CDK19: variants seen among roughly 807,000 people sequenced by gnomAD.
The protein encoded by CDK19 is cyclin dependent kinase 19.
CDK19 carries 20 observed loss-of-function variants against 68.3 expected under a neutral mutation model. The observed-to-expected ratio is 0.29, with a 90% CI of 0.21 to 0.43. The LOEUF is 0.43. Among genes scored for constraint, CDK19 ranks in the 20% least tolerant of loss-of-function variants. CDK19 has a pLI of 1.00. For missense variants in CDK19, 339 were observed against 623.5 expected, an observed-to-expected ratio of 0.54 and a Z score of 4.86; for synonymous variants, 221 against 222.8, an observed-to-expected ratio of 0.99 and a Z score of 0.07.
chr6:110,654,491 C>T (rs549041647), intron 4 of CDK19, among the ~76,000 whole-genome samples: 17 of 152,286 alleles, frequency 1.1e-4, no homozygotes, highest in South Asian at 2.1e-4. Flanking sequence ...CAACTTTATA[C>T]GTCTGCTGAG....
At chr6:110,717,764 C>A (rs1444963035) in intron 2 of CDK19, among the ~76,000 whole-genome samples, 1 of 152,120 alleles carries the variant, frequency 6.6e-6, no homozygotes, top group African/African-American at 2.4e-5. Context: ...TGCAAGGGCA[C>A]GATCTTGGCT....
chr6:110,657,166 G>A (rs369664491), intron 4 of CDK19, among the ~76,000 whole-genome samples: 10 of 152,176 alleles, frequency 6.6e-5, no homozygotes, highest in Admixed American at 2.6e-4. Flanking sequence ...CACTCTGTGC[G>A]GAGAGTAGCA....
At position 110,614,604 on chromosome 6, in the gene CDK19, T is replaced by C; in HGVS notation, c.1440A>G (p.Thr480=). ...SVQGSSQSQS[T]LGYSSSSQQS... ...GCTGAGACGAGGAAGAGTAGCCAAG[T>C]GTGCTCTGGGACTGAGAGGATCCCT... The change falls in exon 13 of 13, where the codon ACA becomes ACG. Residue 480 remains threonine, a synonymous_variant. Transcript: ENST00000368911. 6.2e-7 allele frequency: 1 copy of C among 1,613,882 alleles called. No homozygotes were observed. Among genetic ancestry groups the C allele is most frequent in the Middle Eastern group, 1.6e-4 (1 of 6,062 alleles).
chr6:110,768,334 T>A (rs1445346470), intron 1 of CDK19, among the ~76,000 whole-genome samples: 2 of 152,196 alleles, frequency 1.3e-5, no homozygotes, highest in Non-Finnish European at 2.9e-5. Flanking sequence ...GTTTGGCAGT[T>A]TCTTACAAAA....
At chr6:110,718,952 G>C (rs1410444876) in intron 2 of CDK19, among the ~76,000 whole-genome samples, 1 of 152,150 alleles carries the variant, frequency 6.6e-6, no homozygotes, top group Non-Finnish European at 1.5e-5. Context: ...GGAAAGATAT[G>C]AGGTAAAGAG....
chr6:110,626,748 A>G, intron 8 of CDK19, 28 bp downstream of exon 8: 1 of 1,341,638 alleles, frequency 7.5e-7, no homozygotes, highest in Non-Finnish European at 1.0e-6. Context: ...GCAGCACAAA[A>G]AGACTAAGAC....
At chr6:110,698,392 AATAT>A (rs1366945291) in intron 2 of CDK19, among the ~76,000 whole-genome samples, 2 of 152,172 alleles carry the variant, frequency 1.3e-5, no homozygotes, top group Non-Finnish European at 2.9e-5. Flanking sequence ...ATGGTCAATA[AATAT>A]ATGAAAAAAA....
intron 1 of CDK19, among the ~76,000 whole-genome samples, chr6:110,790,263 T>C (rs547012577): frequency 8.1e-4 from 123 of 152,284 alleles, no homozygotes; most frequent in Non-Finnish European, 1.5e-3. Context: ...AGGCTGGTCA[T>C]GGTGGCTCAC....
At chr6:110,754,353 T>G (rs989939724) in intron 1 of CDK19, among the ~76,000 whole-genome samples, 3 of 152,094 alleles carry the variant, frequency 2.0e-5, no homozygotes, top group Non-Finnish European at 4.4e-5. Context: ...AAATTCTTAT[T>G]GCTGGGAAAT....
intron 2 of CDK19, among the ~76,000 whole-genome samples, chr6:110,742,676 G>A (rs1419801232): frequency 6.6e-6 from 1 of 152,160 alleles, no homozygotes; most frequent in African/African-American, 2.4e-5. Flanking sequence ...TCTGTCTTAT[G>A]CAGTTGAGAT....
intron 2 of CDK19, among the ~76,000 whole-genome samples, chr6:110,735,138 G>C (rs1032366560): frequency 2.0e-5 from 3 of 150,582 alleles, no homozygotes; most frequent in African/African-American, 4.9e-5. Context: ...AATGAGACTG[G>C]GTCTTGCTAT....
intron 12 of CDK19, among the ~76,000 whole-genome samples, chr6:110,617,704 C>CACACAA (rs1778422523): frequency 7.5e-6 from 1 of 133,736 alleles, no homozygotes; most frequent in African/African-American, 2.7e-5. Context: ...CACACACACA[C>CACACAA]AAATTAGCCG....
intron 1 of CDK19, among the ~76,000 whole-genome samples, chr6:110,753,390 T>C (rs1778607340): frequency 6.6e-6 from 1 of 151,972 alleles, no homozygotes; most frequent in South Asian, 2.1e-4. Flanking sequence ...ACTAGAATAA[T>C]TTTTTATTTT....
intron 2 of CDK19, among the ~76,000 whole-genome samples, chr6:110,709,961 T>A (rs1405605994): frequency 6.6e-6 from 1 of 152,196 alleles, no homozygotes; most frequent in Admixed American, 6.5e-5. Flanking sequence ...TAAATAGGTT[T>A]GACTTTAGAA....
At chr6:110,704,527 T>C (rs1428070146) in intron 2 of CDK19, among the ~76,000 whole-genome samples, 13 of 152,242 alleles carry the variant, frequency 8.5e-5, no homozygotes, top group African/African-American at 2.2e-4. Context: ...CTATGGGGAT[T>C]ATCTATACCA....
chr6:110,716,326 A>G (rs1775389938), intron 2 of CDK19, among the ~76,000 whole-genome samples: 1 of 152,162 alleles, frequency 6.6e-6, no homozygotes, highest in Admixed American at 6.5e-5. Flanking sequence ...AAAAAAAAGC[A>G]AGCCACAAAA....
intron 2 of CDK19, chr6:110,706,702 C>CG (rs1402593770): frequency 7.2e-5 from 11 of 152,964 alleles, no homozygotes; most frequent in African/African-American, 2.4e-4. Flanking sequence ...CGTGAGCCAC[C>CG]GCGCCTGGCC....
At chr6:110,641,640 G>GGAAAGAAA (rs1554195985) in intron 4 of CDK19, among the ~76,000 whole-genome samples, 14 of 131,328 alleles carry the variant, frequency 1.1e-4, no homozygotes, top group African/African-American at 3.9e-4. Context: ...AGGAGGAAAG[G>GGAAAGAAA]GAAAGAAAGG....
At chr6:110,695,308 C>T (rs1047737085) in intron 2 of CDK19, among the ~76,000 whole-genome samples, 2 of 152,018 alleles carry the variant, frequency 1.3e-5, no homozygotes, top group African/African-American at 4.8e-5. Flanking sequence ...TTCAACTGAA[C>T]GATAATAGTG....
Sources: gnomAD v4.1 joint callset for allele counts (sites outside exome capture counted in the v4.1 genomes callset) on GRCh38, gnomAD v4.1.1 for gene constraint, MANE v1.5 for transcripts, NCBI Gene and HGNC (gene_info 2026-07-23, HGNC 2026-07-21) for gene names.